CTNND2: variants seen among roughly 807,000 people sequenced by gnomAD.
CTNND2 encodes catenin delta-2.
A neutral mutation model predicts 144.4 loss-of-function variants in CTNND2; 22 were observed. That is an observed-to-expected ratio of 0.15 (90% confidence interval 0.11 to 0.22). The LOEUF is 0.22. Among genes scored for constraint, CTNND2 ranks in the 10% least tolerant of loss-of-function variants. The probability of loss-of-function intolerance (pLI) is 1.00; values close to 1 mark genes in which losing one functional copy is unlikely to be tolerated. For missense variants in CTNND2, 1,353 were observed against 1,618.8 expected, an observed-to-expected ratio of 0.84 and a Z score of 2.82; for synonymous variants, 751 against 695.6, an observed-to-expected ratio of 1.08 and a Z score of -1.25.
intron 9 of CTNND2, among the ~76,000 whole-genome samples, chr5:11,335,794 A>T (rs1277688282): frequency 6.6e-6 from 1 of 152,148 alleles, no homozygotes; most frequent in East Asian, 1.9e-4. Context: ...CCAGATGGAA[A>T]ATTGAAAATA....
chr5:11,400,975 T>G (rs551438407), intron 5 of CTNND2, among the ~76,000 whole-genome samples: 14 of 152,356 alleles, frequency 9.2e-5, no homozygotes, highest in African/African-American at 3.4e-4. Context: ...AAAAGTCCTG[T>G]GTAAACAGAA....
At chr5:11,291,670 A>T (rs1157551329) in intron 9 of CTNND2, among the ~76,000 whole-genome samples, 1 of 152,124 alleles carries the variant, frequency 6.6e-6, no homozygotes, top group Non-Finnish European at 1.5e-5. Context: ...CACACTTGCC[A>T]AACTAGCCTA....
intron 1 of CTNND2, among the ~76,000 whole-genome samples, chr5:11,804,446 C>A (rs1020997013): frequency 6.6e-6 from 1 of 152,052 alleles, no homozygotes; most frequent in African/African-American, 2.4e-5. Context: ...AAACTGGAAG[C>A]AAACAAGATT....
intron 3 of CTNND2, among the ~76,000 whole-genome samples, chr5:11,426,557 G>A (rs745407590): frequency 9.2e-5 from 14 of 152,188 alleles, no homozygotes; most frequent in African/African-American, 2.2e-4. Flanking sequence ...TTGCTGCCTC[G>A]TTCACATAGA....
chr5:11,237,112 C>T (rs61750729), intron 9 of CTNND2, among the ~76,000 whole-genome samples: 4 of 151,642 alleles, frequency 2.6e-5, no homozygotes, highest in Non-Finnish European at 4.4e-5. Context: ...CTCCGCCTCC[C>T]GGGTTCACGC....
chr5:11,823,018 A>G (rs1581954663), intron 1 of CTNND2, among the ~76,000 whole-genome samples: 1 of 152,328 alleles, frequency 6.6e-6, no homozygotes, highest in East Asian at 1.9e-4. Flanking sequence ...AAAATATTCA[A>G]TTGCCTGTTA....
Position 11,533,118 on chromosome 5 carries a change from G to A in CTNND2, c.287+31826C>T, listed in dbSNP as rs186005970. Among the ~76,000 whole-genome samples the A allele has an allele frequency of 3.9e-5, 6 of 152,344 alleles. No homozygotes were observed. The East Asian group carries it at 1.2e-3, about 29-fold the overall frequency. ...AAGTTCACAAAGACTCTCACTCTGG[G>A]CTAAGAGGAGTCAAGAGGAGCTCAC... On this transcript the variant is annotated intron_variant, in intron 3 of 21. Coordinates refer to ENST00000304623, the MANE Select transcript of CTNND2 (RefSeq NM_001332.4).
chr5:11,741,491 T>C (rs1338395933), intron 1 of CTNND2, among the ~76,000 whole-genome samples: 1 of 151,950 alleles, frequency 6.6e-6, no homozygotes, highest in Non-Finnish European at 1.5e-5. Flanking sequence ...CACTGCATGT[T>C]CTCACTCACA....
chr5:11,778,383 T>G (rs1790368486), intron 1 of CTNND2, among the ~76,000 whole-genome samples: 1 of 152,114 alleles, frequency 6.6e-6, no homozygotes, highest in South Asian at 2.1e-4. Context: ...GGCTTTGAAT[T>G]GTCAACAAGT....
In CTNND2 at chr5:11,409,092, C is replaced by A. The variant is rs191497063; in HGVS notation, c.439+2444G>T. The stretch of plus-strand genomic sequence containing the variant: ...AGATATCCTCTGAATGTGTTTTTTC[C>A]CCCATACTTCTGTTTTTACTAAAAA... On this transcript the variant is annotated intron_variant, in intron 5 of 21. Coordinates refer to ENST00000304623, the MANE Select transcript of CTNND2 (RefSeq NM_001332.4). Among the ~76,000 whole-genome samples, 8 of 151,654 alleles carry A rather than the reference C, an allele frequency of 5.3e-5. No individual in the cohort carries two copies. In the East Asian group the frequency reaches 1.6e-3, roughly 29 times the overall value.
intron 1 of CTNND2, among the ~76,000 whole-genome samples, chr5:11,831,784 G>C (rs891685501): frequency 2.0e-4 from 30 of 152,008 alleles, no homozygotes. Flanking sequence ...AACAACTGAT[G>C]GTAAAACAAC....
chr5:11,142,850 G>A lies in CTNND2; in HGVS notation c.2159+16726C>T, dbSNP rs960419954. ...GATGGTCTCGATCTCCTGACCTCGT[G>A]ATCCGCCCGTCTCGGCCTCCCAAAG... is the stretch of plus-strand genomic sequence containing the variant. On this transcript the variant is annotated intron_variant, in intron 12 of 21. Coordinates refer to ENST00000304623, the MANE Select transcript of CTNND2 (RefSeq NM_001332.4). 5.9e-5 allele frequency among the ~76,000 whole-genome samples: 9 copies of A among 152,048 alleles called. No homozygotes were observed. In the East Asian group the frequency reaches 1.7e-3, roughly 29 times the overall value.
At chr5:11,895,396 C>T (rs758915365) in intron 1 of CTNND2, among the ~76,000 whole-genome samples, 2 of 152,072 alleles carry the variant, frequency 1.3e-5, no homozygotes, top group African/African-American at 2.4e-5. Flanking sequence ...CTTAATTCAC[C>T]GTCGCAACAA....
intron 12 of CTNND2, among the ~76,000 whole-genome samples, chr5:11,135,047 A>T (rs769479235): frequency 1.3e-5 from 2 of 152,130 alleles, no homozygotes; most frequent in Non-Finnish European, 2.9e-5. Context: ...AATCTTTTAC[A>T]GTACATGTGT....
intron 3 of CTNND2, among the ~76,000 whole-genome samples, chr5:11,414,889 T>A (rs1455447007): frequency 6.6e-6 from 1 of 152,198 alleles, no homozygotes; most frequent in African/African-American, 2.4e-5. Flanking sequence ...CTAAGGATAA[T>A]GGCCTCCAGC....
chr5:11,020,646 A>C (rs971820344), intron 17 of CTNND2, among the ~76,000 whole-genome samples: 3 of 152,208 alleles, frequency 2.0e-5, no homozygotes, highest in Non-Finnish European at 4.4e-5. Context: ...AGAGCAGTGA[A>C]AAGCAATAAT....
intron 2 of CTNND2, among the ~76,000 whole-genome samples, chr5:11,622,157 A>C (rs371318131): frequency 6.6e-6 from 1 of 152,144 alleles, no homozygotes; most frequent in Non-Finnish European, 1.5e-5. Context: ...ACAATTACCC[A>C]ACATAAATTT....
intron 2 of CTNND2, among the ~76,000 whole-genome samples, chr5:11,720,055 C>A (rs796549047): frequency 3.9e-5 from 6 of 152,238 alleles, no homozygotes; most frequent in African/African-American, 1.4e-4. Flanking sequence ...TACTGACAAG[C>A]GATGGTACAT....
chr5:11,217,661 C>G (rs1238485356), intron 10 of CTNND2, among the ~76,000 whole-genome samples: 1 of 152,122 alleles, frequency 6.6e-6, no homozygotes, highest in Non-Finnish European at 1.5e-5. Flanking sequence ...TTGAAATTTT[C>G]CAGGGTCTAA....
Sources: gnomAD v4.1 joint callset for allele counts (sites outside exome capture counted in the v4.1 genomes callset) on GRCh38, gnomAD v4.1.1 for gene constraint, MANE v1.5 for transcripts, NCBI Gene and HGNC (gene_info 2026-07-23, HGNC 2026-07-21) for gene names.